NAV2: variants seen among roughly 807,000 people sequenced by gnomAD.
NAV2 encodes the protein helicase, APC down-regulated 1.
A neutral mutation model predicts 223.2 loss-of-function variants in NAV2; 54 were observed. That is an observed-to-expected ratio of 0.24 (90% CI 0.19 to 0.30). NAV2 has a LOEUF of 0.30. Ranked by LOEUF, NAV2 falls within the 10% of genes least tolerant of loss-of-function variation. NAV2 has a pLI of 1.00. For missense variants in NAV2, 2,806 were observed against 3,147.5 expected, an observed-to-expected ratio of 0.89 and a Z score of 2.60; for synonymous variants, 1,279 against 1,239.3, an observed-to-expected ratio of 1.03 and a Z score of -0.67.
At chr11:19,856,394 C>T (rs1349228837) in intron 3 of NAV2, among the ~76,000 whole-genome samples, 1 of 152,158 alleles carries the variant, frequency 6.6e-6, no homozygotes, top group Non-Finnish European at 1.5e-5. Context: ...AGCTCTTTGC[C>T]TTTATCACAG....
intron 1 of NAV2, among the ~76,000 whole-genome samples, chr11:19,666,144 T>A (rs939528221): frequency 6.6e-6 from 1 of 152,138 alleles, no homozygotes; most frequent in African/African-American, 2.4e-5. Flanking sequence ...AAAGAATCAG[T>A]GTAAGAATTT....
chr11:19,415,846 C>A (rs1177818145), intron 1 of NAV2, among the ~76,000 whole-genome samples: 3 of 152,170 alleles, frequency 2.0e-5, no homozygotes, highest in African/African-American at 4.8e-5. Context: ...ACAAAAACCA[C>A]ATGATTATCT....
chr11:19,893,792 T>C (rs2041713986), intron 6 of NAV2, among the ~76,000 whole-genome samples: 1 of 152,184 alleles, frequency 6.6e-6, no homozygotes, highest in South Asian at 2.1e-4. Context: ...CAAGCAACCA[T>C]TGTTACTCTT....
intron 6 of NAV2, among the ~76,000 whole-genome samples, chr11:19,924,286 G>T (rs1012967219): frequency 2.5e-4 from 37 of 147,818 alleles, no homozygotes; most frequent in Non-Finnish European, 8.9e-5. Flanking sequence ...TTGGAAAGGG[G>T]TAATTCTTTA....
At chr11:19,694,517 T>G (rs764757739) in intron 1 of NAV2, among the ~76,000 whole-genome samples, 8 of 152,222 alleles carry the variant, frequency 5.3e-5, no homozygotes, top group Non-Finnish European at 1.0e-4. Flanking sequence ...AGGTATTAGT[T>G]TTATCCTATT....
chr11:19,523,911 C>T (rs1295037837), intron 1 of NAV2, among the ~76,000 whole-genome samples: 2 of 152,170 alleles, frequency 1.3e-5, no homozygotes, highest in Non-Finnish European at 2.9e-5. Flanking sequence ...TTTATAATGC[C>T]TTCCTTCACT....
intron 1 of NAV2, among the ~76,000 whole-genome samples, chr11:19,556,303 C>T (rs1479854926): frequency 1.3e-5 from 2 of 152,170 alleles, no homozygotes; most frequent in East Asian, 3.8e-4. Flanking sequence ...TATCATGCCA[C>T]CATTAAAAAT....
At chr11:20,039,429 C>T (rs890051649) in intron 12 of NAV2, among the ~76,000 whole-genome samples, 3 of 152,056 alleles carry the variant, frequency 2.0e-5, no homozygotes, top group African/African-American at 7.2e-5. Flanking sequence ...TTATCTCTCC[C>T]TCCCTTCCTC....
At chr11:19,624,052 G>A (rs950613284) in intron 1 of NAV2, among the ~76,000 whole-genome samples, 58 of 152,190 alleles carry the variant, frequency 3.8e-4, no homozygotes, top group African/African-American at 1.4e-3. Flanking sequence ...CTCTTTGCCT[G>A]AGTATCACCA....
intron 1 of NAV2, among the ~76,000 whole-genome samples, chr11:19,548,423 AGTAGCT>A (rs2044575296): frequency 6.6e-6 from 1 of 152,196 alleles, no homozygotes; most frequent in Non-Finnish European, 1.5e-5. Context: ...TCGCAGATGC[AGTAGCT>A]GAGGCAGAAA....
Position 19,713,663 on chromosome 11 carries a change from G to T in NAV2, c.-33G>T. ...GGTCGCCCCCGCCGCCGCTGCCAGG[G>T]ACGTGCTGGGAAAGCCCAAGCCCCG... On this transcript the variant is annotated 5_prime_UTR_variant, in exon 1 of 38. Transcript: ENST00000349880. This position sits in a 1 kb window ranked among gnomAD's most constrained non-coding sequence, Gnocchi z 7.2. 1 of 1,510,290 alleles carries T rather than the reference G, an allele frequency of 6.6e-7. No individual in the cohort carries two copies. Among genetic ancestry groups the T allele is most frequent in the Non-Finnish European group, 8.9e-7 (1 of 1,128,324 alleles). 93.6% of individuals were successfully genotyped at this position (1,510,290 alleles called of 1,614,324 possible). A position where few individuals can be genotyped will look rare whatever the true frequency, so the allele number is the denominator to read the frequency against.
intron 10 of NAV2, among the ~76,000 whole-genome samples, chr11:19,949,850 T>C (rs980753234): frequency 6.6e-6 from 1 of 152,216 alleles, no homozygotes; most frequent in Non-Finnish European, 1.5e-5. Context: ...TCATAAATAT[T>C]GCTAAATCAA....
intron 10 of NAV2, among the ~76,000 whole-genome samples, chr11:19,971,976 T>C (rs2049289973): frequency 6.6e-6 from 1 of 152,232 alleles, no homozygotes; most frequent in Non-Finnish European, 1.5e-5. Context: ...GTGCTGGGAT[T>C]ACAGGCATAA....
intron 26 of NAV2, among the ~76,000 whole-genome samples, chr11:20,089,525 T>A (rs531978829): frequency 2.0e-5 from 3 of 152,304 alleles, no homozygotes; most frequent in African/African-American, 7.2e-5. Context: ...GCCAGACTCA[T>A]GTGATCATTT....
rs181313318 is a variant in NAV2 at position 19,761,919 on chromosome 11, A to G, written c.267+47957A>G. On this transcript the variant is annotated intron_variant, in intron 1 of 37. Coordinates refer to ENST00000349880, the MANE Select transcript of NAV2 (RefSeq NM_145117.5). ...TCCCCTGGTCTACTGAACCTTGCCC[A>G]TTCTTCACACTGTAGTCAGAATCTT... 4.5e-3 allele frequency among the ~76,000 whole-genome samples: 683 copies of G among 152,266 alleles called. 4 individuals carry two copies. The highest frequency in any genetic ancestry group is 0.016 in the African/African-American group (651 of 41,548).
At chr11:19,402,349 C>T (rs569428996) in intron 1 of NAV2, among the ~76,000 whole-genome samples, 1 of 152,154 alleles carries the variant, frequency 6.6e-6, no homozygotes. Context: ...TACATAGAGT[C>T]GTGGTGATTA....
At chr11:19,905,177 C>G (rs1319523072) in intron 6 of NAV2, among the ~76,000 whole-genome samples, 1 of 152,178 alleles carries the variant, frequency 6.6e-6, no homozygotes, top group East Asian at 1.9e-4. Flanking sequence ...TTTGTGATGA[C>G]CTCTTTTACT....
intron 10 of NAV2, among the ~76,000 whole-genome samples, chr11:19,960,909 A>C (rs964020670): frequency 3.3e-5 from 5 of 150,968 alleles, no homozygotes; most frequent in Non-Finnish European, 5.9e-5. Flanking sequence ...CACTATGTCC[A>C]GCCCAGGGCC....
At chr11:19,999,209 T>C (rs1040975299) in intron 11 of NAV2, among the ~76,000 whole-genome samples, 3 of 152,236 alleles carry the variant, frequency 2.0e-5, no homozygotes, top group Non-Finnish European at 4.4e-5. Flanking sequence ...TCAACCCTGC[T>C]GTTGTGGCAC....
Sources: allele counts gnomAD v4.1 joint callset (sites outside exome capture counted in the v4.1 genomes callset), GRCh38; gene constraint gnomAD v4.1.1; non-coding constraint Gnocchi (gnomAD v3.1); transcripts MANE v1.5; gene names NCBI Gene and HGNC (gene_info 2026-07-23, HGNC 2026-07-21).